The following NDUFAF6 variants were observed in gnomAD, a reference collection of about 807,000 sequenced individuals.
NDUFAF6 encodes NADH:ubiquinone oxidoreductase complex assembly factor 6.
In NDUFAF6, 45 loss-of-function variants were observed where a neutral mutation model predicts 40.8. The ratio of observed to expected loss-of-function variants is 1.10; its 90% CI spans 0.87 to 1.42. The LOEUF (loss-of-function observed/expected upper bound fraction) is 1.42, where lower values mean the gene tolerates loss of function less well. NDUFAF6 is among the 40% of genes most tolerant of loss of function. The pLI is 0.00. For missense variants in NDUFAF6, 435 were observed against 418.5 expected (o/e 1.04, Z -0.34); for synonymous variants, 185 against 155.9 (o/e 1.19, Z -1.39).
chr8:95,057,918 C>A lies in NDUFAF6; in HGVS notation c.983C>A (p.Ser328Ter). The change falls in exon 9 of 9, where the codon TCA (serine) becomes TAA (stop). Residue 328 changes from serine to a stop codon, truncating the protein, a stop_gained. Coordinates refer to ENST00000396124, the MANE Select transcript of NDUFAF6 (RefSeq NM_152416.4). LOFTEE classifies it high-confidence loss of function. ...TLLPLYLYIQ[S>*]WRKTY ...CTTCCATTATATTTGTATATTCAGT[C>A]ATGGAGAAAAACATATTAAAATAAT... 6.5e-7 allele frequency: 1 copy of A among 1,539,956 alleles called. No individual in the cohort carries two copies. The highest frequency in any genetic ancestry group is 1.1e-5 in the South Asian group (1 of 89,162).
At position 94,941,107 on chromosome 8, in the gene NDUFAF6, A is replaced by C. The variant is rs1173582647; in HGVS notation, c.-935-4376A>C. The C allele has an allele frequency of 8.5e-6, 5 of 591,586 alleles. No homozygotes were observed. In the East Asian group the frequency reaches 8.5e-5, roughly 10 times the overall value. The allele number at this position is 591,586 out of a possible 1,614,324, so 36.6% of individuals were successfully genotyped here. ...GTCATTGTACCTAAAATAAAACAGA[A>C]AAAGGAAGTTATTTCAAATCAGCAT... On this transcript the variant is annotated intron_variant, in intron 1 of 14. Coordinates refer to the NDUFAF6 transcript ENST00000396113.
upstream of NDUFAF6, among the ~76,000 whole-genome samples, chr8:95,022,984 G>C (rs935246354): frequency 2.6e-5 from 4 of 152,294 alleles, no homozygotes; most frequent in South Asian, 8.3e-4. Flanking sequence ...AATCGCAGGA[G>C]TGACATTGGG....
intron 1 of NDUFAF6, among the ~76,000 whole-genome samples, chr8:94,963,303 A>G (rs899528083): frequency 6.6e-6 from 1 of 152,232 alleles, no homozygotes; most frequent in Non-Finnish European, 1.5e-5. Context: ...CATTGTGCTA[A>G]GTGAATGAAG....
intron 2 of NDUFAF6, among the ~76,000 whole-genome samples, chr8:95,081,832 C>CAG (rs1159750664): frequency 1.3e-5 from 2 of 151,340 alleles, no homozygotes; most frequent in Non-Finnish European, 1.5e-5. Flanking sequence ...GAGGCCGAGG[C>CAG]GAGCGGATCA....
At chr8:95,002,578 A>G (rs1363656782) in intron 2 of NDUFAF6, among the ~76,000 whole-genome samples, 1 of 152,244 alleles carries the variant, frequency 6.6e-6, no homozygotes, top group African/African-American at 2.4e-5. Flanking sequence ...AGGCATTTGA[A>G]TGATCCTGTT....
At chr8:94,979,200 G>A (rs756041489) in intron 1 of NDUFAF6, among the ~76,000 whole-genome samples, 11 of 152,078 alleles carry the variant, frequency 7.2e-5, no homozygotes, top group Non-Finnish European at 1.2e-4. Flanking sequence ...GCAAATCCCC[G>A]CTTTTGTTGA....
At chr8:95,064,615 C>T (rs150039657) in intron 9 of NDUFAF6, among the ~76,000 whole-genome samples, 21 of 152,114 alleles carry the variant, frequency 1.4e-4, no homozygotes, top group African/African-American at 4.6e-4. Context: ...GCCCTTGTTA[C>T]AGTCTTTTGT....
intron 4 of NDUFAF6, among the ~76,000 whole-genome samples, chr8:95,114,402 G>GT (rs1810084072): frequency 6.6e-6 from 1 of 152,222 alleles, no homozygotes. Context: ...GAGTTCACCA[G>GT]TAAGTGACTT....
At chr8:95,026,363 G>C (rs1828139279) in intron 1 of NDUFAF6, among the ~76,000 whole-genome samples, 1 of 152,190 alleles carries the variant, frequency 6.6e-6, no homozygotes, top group South Asian at 2.1e-4. Context: ...GGCTGCTCCA[G>C]AGGCTGACGT....
intron 7 of NDUFAF6, among the ~76,000 whole-genome samples, chr8:95,049,760 A>G (rs562504339): frequency 1.4e-4 from 22 of 152,080 alleles, no homozygotes; most frequent in African/African-American, 2.4e-4. Context: ...TTCCTTTTCC[A>G]TCACCCTCAG....
At chr8:95,011,126 C>T (rs1827211475) in intron 2 of NDUFAF6, among the ~76,000 whole-genome samples, 1 of 152,228 alleles carries the variant, frequency 6.6e-6, no homozygotes, top group Non-Finnish European at 1.5e-5. Flanking sequence ...TCACCAGCCA[C>T]GCTGCTTCCA....
chr8:94,931,784 C>A (rs943059033), intron 1 of NDUFAF6, among the ~76,000 whole-genome samples: 1 of 152,002 alleles, frequency 6.6e-6, no homozygotes, highest in Non-Finnish European at 1.5e-5. Context: ...CCAGCCTGGC[C>A]AACATGGTGA....
chr8:94,983,467 T>C (rs940160219), intron 2 of NDUFAF6, among the ~76,000 whole-genome samples: 5 of 152,040 alleles, frequency 3.3e-5, no homozygotes, highest in African/African-American at 1.2e-4. Context: ...GTTTTCAGCA[T>C]GTTGGCCAGG....
Position 95,047,045 on chromosome 8 carries a change from AAGGCATTGTCACTTGCTTG to A in NDUFAF6, c.635_653del (p.Gly212GlufsTer38). On this transcript the variant is annotated frameshift_variant, in exon 6 of 9. Coordinates refer to ENST00000396124, the MANE Select transcript of NDUFAF6 (RefSeq NM_152416.4). LOFTEE classifies it high-confidence loss of function. Reference sequence around the variant, plus strand: ...GCTGCAAGTCATATTGGAAAAGCACAAGGCATTGTCACTTGCTTGAGAGCAACACCATATCATGGGAGCA... The same window carrying A: ...GCTGCAAGTCATATTGGAAAAGCACAAGAGCAACACCATATCATGGGAGCA... 6.2e-7 allele frequency: 1 copy of A among 1,614,176 alleles called. No individual in the cohort carries two copies. The highest frequency in any genetic ancestry group is 1.1e-5 in the South Asian group (1 of 91,086).
intron 1 of NDUFAF6, among the ~76,000 whole-genome samples, chr8:94,905,012 C>T (rs764978751): frequency 3.3e-5 from 5 of 152,140 alleles, no homozygotes; most frequent in Admixed American, 6.6e-5. Context: ...CCAGCCTGGC[C>T]AACATGGTGA....
intron 1 of NDUFAF6, among the ~76,000 whole-genome samples, chr8:94,944,001 A>G (rs1821781175): frequency 6.6e-6 from 1 of 152,242 alleles, no homozygotes; most frequent in South Asian, 2.1e-4. Flanking sequence ...AAGTTATCAT[A>G]AGGTCTGATG....
intron 3 of NDUFAF6, among the ~76,000 whole-genome samples, chr8:95,040,530 G>A (rs1830034546): frequency 1.3e-5 from 2 of 152,172 alleles, no homozygotes; most frequent in South Asian, 4.1e-4. Flanking sequence ...GTTGCAAAAT[G>A]ATAACTTCTC....
downstream of NDUFAF6, among the ~76,000 whole-genome samples, chr8:95,061,414 T>C (rs1252382928): frequency 6.6e-6 from 1 of 152,158 alleles, no homozygotes; most frequent in African/African-American, 2.4e-5. Context: ...GGTTCTTTAC[T>C]GAAAATAAAA....
chr8:94,945,562 T>C (rs769686214), exon 2 of NDUFAF6: 1 of 152,270 alleles, frequency 6.6e-6, no homozygotes, highest in Non-Finnish European at 1.5e-5. Flanking sequence ...ACTGCTACTG[T>C]TGACCTTGGC....
Sources: gnomAD v4.1 joint callset for allele counts (sites outside exome capture counted in the v4.1 genomes callset) on GRCh38, gnomAD v4.1.1 for gene constraint, MANE v1.5 for transcripts, NCBI Gene and HGNC (gene_info 2026-07-23, HGNC 2026-07-21) for gene names.